CLDN14: variants seen among roughly 807,000 people sequenced by gnomAD.
The protein encoded by CLDN14 is claudin-14.
In CLDN14, 2 loss-of-function variants were observed where a neutral mutation model predicts 2.1. The ratio of observed to expected loss-of-function variants is 0.96; its 90% confidence interval spans 0.39 to 3.01. The LOEUF (loss-of-function observed/expected upper bound fraction) is 3.01. Among genes scored for constraint, CLDN14 ranks in the 30% most tolerant of loss-of-function variants. The pLI is 0.09. For synonymous variants in CLDN14, 136 were observed against 154.4 expected (o/e 0.88, Z 0.88); for missense variants, 298 against 328.0 (o/e 0.91, Z 0.71).
intron 1 of CLDN14, among the ~76,000 whole-genome samples, chr21:36,541,864 T>G (rs2087491302): frequency 7.3e-6 from 1 of 137,270 alleles, no homozygotes; most frequent in South Asian, 2.5e-4. Flanking sequence ...TACAGTTTCT[T>G]TTGTCTTAGA....
Position 36,498,238 on chromosome 21 carries a change from C to G in CLDN14, c.-82+12125G>C, listed in dbSNP as rs966184267. ...CTGGTGTCGAACTCCTGACCTCAGG[C>G]GGTCCACCTGCCTTGGCCTCCCAAA... is the stretch of plus-strand genomic sequence containing the variant. On this transcript the variant is annotated intron_variant, in intron 2 of 2. Coordinates refer to the CLDN14 transcript ENST00000342108. This position sits in a 1 kb window ranked among gnomAD's most constrained non-coding sequence, Gnocchi z 4.9. 6.6e-6 allele frequency among the ~76,000 whole-genome samples: 1 copy of G among 152,072 alleles called. No homozygotes were observed. The highest frequency in any genetic ancestry group is 1.5e-5 in the Non-Finnish European group (1 of 68,016).
At chr21:36,553,742 C>T (rs549662595) in intron 1 of CLDN14, among the ~76,000 whole-genome samples, 1 of 152,128 alleles carries the variant, frequency 6.6e-6, no homozygotes, top group East Asian at 2.0e-4. Flanking sequence ...CTACAGTCAG[C>T]AGCACCTGCC....
At chr21:36,561,736 G>A (rs1392155732) in intron 1 of CLDN14, among the ~76,000 whole-genome samples, 4 of 152,122 alleles carry the variant, frequency 2.6e-5, no homozygotes, top group Non-Finnish European at 4.4e-5. Context: ...GTCTCAGCCA[G>A]GAGAGGTGTA....
rs148223897 is a variant in CLDN14 at position 36,461,511 on chromosome 21, T to C, written c.185A>G (p.Tyr62Cys). ...CAGGGATCGGTAGATCTGGCACTGG[T>C]AGATGCCTGTGCTGTGCCACACACA... ...MECVWHSTGI[Y>C]QCQIYRSLLA... Residue 62 changes from tyrosine (Y) to cysteine (C), a missense_variant, in exon 2 of 2, where the codon TAC (tyrosine) becomes TGC (cysteine). Physicochemically the swap from Tyr to Cys is radical, Grantham distance 194 (BLOSUM62 -2). Coordinates refer to ENST00000399135, the MANE Select transcript of CLDN14 (RefSeq NM_001146079.2). 6.4e-4 allele frequency: 1,030 copies of C among 1,613,332 alleles called. 1 individual carries two copies. Among genetic ancestry groups the C allele is most frequent in the Non-Finnish European group, 8.2e-4 (973 of 1,179,942 alleles).
At chr21:36,542,678 G>C (rs909514446) in intron 1 of CLDN14, 1 of 152,250 alleles carries the variant, frequency 6.6e-6, no homozygotes, top group Non-Finnish European at 1.5e-5. Context: ...CCCCTCGAGC[G>C]ACAGGCCTCC....
At chr21:36,559,153 T>C (rs1252656391) in intron 1 of CLDN14, among the ~76,000 whole-genome samples, 1 of 150,988 alleles carries the variant, frequency 6.6e-6, no homozygotes, top group Non-Finnish European at 1.5e-5. Flanking sequence ...CATTTTTTCC[T>C]ATTCCTAGTT....
intron 1 of CLDN14, among the ~76,000 whole-genome samples, chr21:36,528,917 G>A (rs1332740970): frequency 1.3e-5 from 2 of 152,188 alleles, no homozygotes; most frequent in East Asian, 3.9e-4. Flanking sequence ...GCCTGAGGAG[G>A]ACGCGAGCTC....
At chr21:36,493,193 G>A (rs769103935) in intron 2 of CLDN14, among the ~76,000 whole-genome samples, 5 of 152,170 alleles carry the variant, frequency 3.3e-5, no homozygotes, top group Non-Finnish European at 7.3e-5. Flanking sequence ...CTCCTGGAGA[G>A]CAGCTGTGAG....
intron 1 of CLDN14, among the ~76,000 whole-genome samples, chr21:36,573,480 A>C (rs1211207824): frequency 1.3e-5 from 2 of 152,168 alleles, no homozygotes; most frequent in Non-Finnish European, 2.9e-5. Flanking sequence ...AAATTTTGCA[A>C]TTGATATGAA....
chr21:36,530,655 G>A (rs2146500999), intron 1 of CLDN14, among the ~76,000 whole-genome samples: 1 of 152,360 alleles, frequency 6.6e-6, no homozygotes, highest in East Asian at 1.9e-4. Flanking sequence ...GGGGATCATG[G>A]AGGGAGTGAC....
intron 1 of CLDN14, among the ~76,000 whole-genome samples, chr21:36,570,749 CTG>C (rs1181947305): frequency 1.3e-5 from 2 of 152,300 alleles, no homozygotes; most frequent in African/African-American, 4.8e-5. Flanking sequence ...CTCTTCTCTT[CTG>C]TGTGTTTAAA....
intron 1 of CLDN14, among the ~76,000 whole-genome samples, chr21:36,467,293 T>G (rs953252055): frequency 4.6e-5 from 7 of 152,144 alleles, no homozygotes; most frequent in Non-Finnish European, 1.0e-4. Flanking sequence ...TGCGTCAACT[T>G]TGGCTCCAAA....
chr21:36,501,914 T>G (rs2087095079), intron 2 of CLDN14, among the ~76,000 whole-genome samples: 1 of 110,590 alleles, frequency 9.0e-6, no homozygotes, highest in African/African-American at 3.0e-5. Flanking sequence ...CTTATGAATT[T>G]GAAAAGACCT....
intron 1 of CLDN14, among the ~76,000 whole-genome samples, chr21:36,474,080 T>G: frequency 6.6e-6 from 1 of 152,252 alleles, no homozygotes; most frequent in South Asian, 2.1e-4. Context: ...GAGAATTCTT[T>G]CAGGAACTTG....
At chr21:36,557,430 C>A (rs2087606459) in intron 1 of CLDN14, among the ~76,000 whole-genome samples, 1 of 152,136 alleles carries the variant, frequency 6.6e-6, no homozygotes, top group Non-Finnish European at 1.5e-5. Context: ...AGCGTTCCAA[C>A]TTCTCCACAT....
intron 2 of CLDN14, among the ~76,000 whole-genome samples, chr21:36,492,553 CG>C (rs2086979131): frequency 6.6e-6 from 1 of 151,852 alleles, no homozygotes; most frequent in South Asian, 2.1e-4. Flanking sequence ...CTCTTGAGCC[CG>C]GGAGGTGGAG....
intron 1 of CLDN14, among the ~76,000 whole-genome samples, chr21:36,524,262 C>G (rs11088353): frequency 0.79 from 120,397 of 151,988 alleles, 48,598 homozygotes; most frequent in Middle Eastern, 0.9. Context: ...TGGGGTCACA[C>G]GTGTGTGCCG....
At position 36,540,703 on chromosome 21, in the gene CLDN14, C is replaced by T. The variant is rs535677239; in HGVS notation, c.-219-30203G>A. On this transcript the variant is annotated intron_variant, in intron 1 of 2. Transcript: ENST00000342108. ...CAGGTGGAGACATCTTGTGAGGTACCTAAGAGTGGTGAATTCAGGGTGTGA... is the reference window on the plus strand; with the variant it reads ...CAGGTGGAGACATCTTGTGAGGTACTTAAGAGTGGTGAATTCAGGGTGTGA... Among the ~76,000 whole-genome samples the T allele has an allele frequency of 3.9e-5, 6 of 152,172 alleles. No homozygotes were observed. In the East Asian group the frequency reaches 9.7e-4, roughly 24 times the overall value.
At chr21:36,516,029 C>A (rs984827764) in intron 1 of CLDN14, among the ~76,000 whole-genome samples, 4 of 151,952 alleles carry the variant, frequency 2.6e-5, no homozygotes, top group Non-Finnish European at 4.4e-5. Flanking sequence ...CTCAGGTGAT[C>A]CCCCTGCCTC....
Sources: allele counts gnomAD v4.1 joint callset (sites outside exome capture counted in the v4.1 genomes callset), GRCh38; gene constraint gnomAD v4.1.1; non-coding constraint Gnocchi (gnomAD v3.1); transcripts MANE v1.5; gene names NCBI Gene and HGNC (gene_info 2026-07-23, HGNC 2026-07-21).